Variants in ST6GALNAC5 observed in about 807,000 individuals in gnomAD.
The protein encoded by ST6GALNAC5 is ST6 N-acetylgalactosaminide alpha-2,6-sialyltransferase 5, also known as alpha-N-acetylgalactosaminide alpha-2,6-sialyltransferase 5.
ST6GALNAC5 carries 27 observed loss-of-function variants against 33.6 expected under a neutral mutation model. The ratio of observed to expected loss-of-function variants is 0.80; its 90% CI spans 0.59 to 1.11. The LOEUF (loss-of-function observed/expected upper bound fraction) is 1.11. Among genes scored for constraint, ST6GALNAC5 ranks in the 50% least tolerant of loss-of-function variants. The pLI is 0.00. For synonymous variants in ST6GALNAC5, 194 were observed against 171.2 expected, an observed-to-expected ratio of 1.13 and a Z score of -1.04; for missense variants, 428 against 454.0, an observed-to-expected ratio of 0.94 and a Z score of 0.52.
chr1:76,886,905 A>C (rs1422189640), intron 2 of ST6GALNAC5, among the ~76,000 whole-genome samples: 2 of 152,222 alleles, frequency 1.3e-5, no homozygotes, highest in African/African-American at 4.8e-5. Context: ...AACACTGAAT[A>C]ATATTCCATT....
intron 2 of ST6GALNAC5, among the ~76,000 whole-genome samples, chr1:77,041,046 C>T (rs528151479): frequency 3.8e-4 from 58 of 152,356 alleles, no homozygotes; most frequent in African/African-American, 1.3e-3. Context: ...ACCACGATCA[C>T]ACTCTTGTCA....
At chr1:77,020,727 C>A (rs747872410) in intron 2 of ST6GALNAC5, among the ~76,000 whole-genome samples, 35 of 152,198 alleles carry the variant, frequency 2.3e-4, no homozygotes, top group Admixed American at 4.6e-4. Flanking sequence ...ACTGAATGCA[C>A]CTAGTAACAA....
chr1:76,878,201 T>G (rs1244005892), intron 2 of ST6GALNAC5, among the ~76,000 whole-genome samples: 2 of 152,210 alleles, frequency 1.3e-5, no homozygotes, highest in African/African-American at 2.4e-5. Flanking sequence ...TATTTCTAGG[T>G]AGAGCCATCT....
chr1:76,989,673 C>T (rs1432438671), intron 2 of ST6GALNAC5, among the ~76,000 whole-genome samples: 1 of 152,092 alleles, frequency 6.6e-6, no homozygotes, highest in African/African-American at 2.4e-5. Context: ...TTGCCCAGTG[C>T]AAAGGTTCTT....
At chr1:76,924,799 A>G (rs534288049) in intron 2 of ST6GALNAC5, among the ~76,000 whole-genome samples, 1 of 152,290 alleles carries the variant, frequency 6.6e-6, no homozygotes, top group African/African-American at 2.4e-5. Flanking sequence ...GCGTCCAAAC[A>G]TTCCTGACCT....
chr1:76,929,545 G>T (rs915245506), intron 2 of ST6GALNAC5, among the ~76,000 whole-genome samples: 16 of 152,012 alleles, frequency 1.1e-4, no homozygotes, highest in African/African-American at 3.9e-4. Flanking sequence ...TCTCTAAGAA[G>T]AAGAAAAAAA....
At chr1:76,967,148 A>T (rs866919523) in intron 2 of ST6GALNAC5, among the ~76,000 whole-genome samples, 17 of 152,094 alleles carry the variant, frequency 1.1e-4, no homozygotes, top group Admixed American at 2.6e-4. Flanking sequence ...TTTTCTATTG[A>T]TCGGAATACT....
chr1:76,935,527 TCTA>T (rs1208601059), intron 2 of ST6GALNAC5, among the ~76,000 whole-genome samples: 1 of 152,032 alleles, frequency 6.6e-6, no homozygotes, highest in African/African-American at 2.4e-5. Context: ...ACAAGTTAAT[TCTA>T]CTATGAAGTG....
At chr1:77,036,461 A>G (rs1651649254) in intron 2 of ST6GALNAC5, among the ~76,000 whole-genome samples, 1 of 152,208 alleles carries the variant, frequency 6.6e-6, no homozygotes, top group Non-Finnish European at 1.5e-5. Context: ...TTACAAATAG[A>G]ATGGAATTAA....
intron 2 of ST6GALNAC5, among the ~76,000 whole-genome samples, chr1:76,895,818 G>T (rs1202546884): frequency 6.6e-6 from 1 of 152,192 alleles, no homozygotes; most frequent in African/African-American, 2.4e-5. Flanking sequence ...GTCTAAGTTG[G>T]TCTGGCGTCT....
intron 2 of ST6GALNAC5, among the ~76,000 whole-genome samples, chr1:77,043,011 G>A (rs1651884076): frequency 1.3e-5 from 2 of 152,126 alleles, no homozygotes; most frequent in African/African-American, 4.8e-5. Context: ...TAGTTCTGAA[G>A]ACACAGCCAT....
intron 2 of ST6GALNAC5, among the ~76,000 whole-genome samples, chr1:77,013,599 G>A (rs1371600515): frequency 1.3e-5 from 2 of 152,188 alleles, no homozygotes; most frequent in Non-Finnish European, 2.9e-5. Flanking sequence ...TCCCCAGTGT[G>A]AGGAGAAGCC....
intron 2 of ST6GALNAC5, among the ~76,000 whole-genome samples, chr1:77,038,914 A>T (rs1365627932): frequency 1.3e-5 from 2 of 152,214 alleles, no homozygotes; most frequent in African/African-American, 4.8e-5. Flanking sequence ...GGCAGGGGTG[A>T]TGGAAGGAGA....
chr1:76,976,997 G>A (rs1308437479), intron 2 of ST6GALNAC5, among the ~76,000 whole-genome samples: 2 of 152,116 alleles, frequency 1.3e-5, no homozygotes, highest in African/African-American at 2.4e-5. Flanking sequence ...TGCATTTGTA[G>A]CATGTTGCCA....
At chr1:76,901,852 A>G (rs1452979317) in intron 2 of ST6GALNAC5, among the ~76,000 whole-genome samples, 2 of 152,216 alleles carry the variant, frequency 1.3e-5, no homozygotes, top group African/African-American at 2.4e-5. Flanking sequence ...TCAGATAGCC[A>G]TATAAAATGG....
chr1:77,033,941 GCA>G (rs1223810493), intron 2 of ST6GALNAC5, among the ~76,000 whole-genome samples: 1 of 152,120 alleles, frequency 6.6e-6, no homozygotes, highest in Non-Finnish European at 1.5e-5. Flanking sequence ...TGGCAGCTGC[GCA>G]GAGAATGACC....
intron 2 of ST6GALNAC5, among the ~76,000 whole-genome samples, chr1:76,956,309 A>T (rs1647976011): frequency 6.6e-6 from 1 of 152,100 alleles, no homozygotes; most frequent in Non-Finnish European, 1.5e-5. Context: ...CATAGGTAAG[A>T]GCCATATAAT....
chr1:76,992,629 G>A (rs756386933), intron 2 of ST6GALNAC5, among the ~76,000 whole-genome samples: 72 of 152,180 alleles, frequency 4.7e-4, no homozygotes, highest in Non-Finnish European at 8.1e-4. Flanking sequence ...CAGGTAACTG[G>A]GACTATAGGT....
At chr1:76,985,236 A>C (rs185034512) in intron 2 of ST6GALNAC5, among the ~76,000 whole-genome samples, 199 of 152,254 alleles carry the variant, frequency 1.3e-3, no homozygotes, top group African/African-American at 4.6e-3. Context: ...TCCCTTTTTG[A>C]AGATGACATG....
Sources: gnomAD v4.1 joint callset for allele counts (sites outside exome capture counted in the v4.1 genomes callset) on GRCh38, gnomAD v4.1.1 for gene constraint, MANE v1.5 for transcripts, NCBI Gene and HGNC (gene_info 2026-07-23, HGNC 2026-07-21) for gene names.